COBLL1: variants seen among roughly 807,000 people sequenced by gnomAD.
The protein encoded by COBLL1 is cordon-bleu WH2 repeat protein like 1.
A neutral mutation model predicts 94.8 loss-of-function variants in COBLL1; 50 were observed. The ratio of observed to expected loss-of-function variants is 0.53; its 90% CI spans 0.42 to 0.67. The LOEUF (loss-of-function observed/expected upper bound fraction) is 0.67, where lower values mean the gene tolerates loss of function less well. Ranked by LOEUF, COBLL1 falls within the 30% of genes least tolerant of loss-of-function variation. The pLI is 0.00. For synonymous variants in COBLL1, 448 were observed against 473.8 expected, an observed-to-expected ratio of 0.95 and a Z score of 0.71; for missense variants, 1,362 against 1,348.7, an observed-to-expected ratio of 1.01 and a Z score of -0.15.
At chr2:164,735,650 G>C (rs1374385381) in intron 3 of COBLL1, among the ~76,000 whole-genome samples, 2 of 152,098 alleles carry the variant, frequency 1.3e-5, no homozygotes, top group African/African-American at 4.8e-5. Context: ...TAGTCACAAA[G>C]TGCACCCACA....
Position 164,841,252 on chromosome 2 carries a change from G to A in COBLL1, c.-50-6C>T, listed in dbSNP as rs1388941490. 1 of 1,225,624 alleles carries A rather than the reference G, an allele frequency of 8.2e-7. No individual in the cohort carries two copies. Among genetic ancestry groups the A allele is most frequent in the Non-Finnish European group, 1.0e-6 (1 of 984,216 alleles). The allele number at this position is 1,225,624 out of a possible 1,614,324, so 75.9% of individuals were successfully genotyped here. A position where few individuals can be genotyped will look rare whatever the true frequency, so the allele number is the denominator to read the frequency against. On this transcript the variant is annotated splice_polypyrimidine_tract_variant and splice_region_variant and intron_variant, in intron 1 of 13. Transcript: ENST00000652658. This position sits in a 1 kb window ranked among gnomAD's most constrained non-coding sequence, Gnocchi z 5.5. ...TCCCAGGCGGCGCGTCACTGCTGGG[G>A]TGGGAGAGGCCGGCGGGTCAGGGCG...
chr2:164,718,544 A>G (rs1685291871), intron 7 of COBLL1, among the ~76,000 whole-genome samples: 1 of 152,316 alleles, frequency 6.6e-6, no homozygotes, highest in South Asian at 2.1e-4. Flanking sequence ...GGAAAGACAC[A>G]CAAGAAACTG....
chr2:164,805,701 G>C (rs1408916122), intron 2 of COBLL1, among the ~76,000 whole-genome samples: 1 of 151,858 alleles, frequency 6.6e-6, no homozygotes, highest in Non-Finnish European at 1.5e-5. Flanking sequence ...CATTGTATGG[G>C]TATACCACAG....
At chr2:164,783,902 C>T (rs943295879) in intron 2 of COBLL1, among the ~76,000 whole-genome samples, 2 of 152,060 alleles carry the variant, frequency 1.3e-5, no homozygotes, top group Admixed American at 6.6e-5. Flanking sequence ...GGAGATCGAG[C>T]CTTCAGTAAG....
intron 2 of COBLL1, among the ~76,000 whole-genome samples, chr2:164,828,184 C>G (rs552834337): frequency 1.3e-5 from 2 of 152,306 alleles, no homozygotes; most frequent in East Asian, 3.9e-4. Context: ...GTCTCCATCT[C>G]CAACACTGAC....
At chr2:164,746,030 C>T (rs1686844191) in intron 2 of COBLL1, among the ~76,000 whole-genome samples, 1 of 152,138 alleles carries the variant, frequency 6.6e-6, no homozygotes, top group African/African-American at 2.4e-5. Context: ...GTAATAGCAA[C>T]AAAAATGAAT....
At chr2:164,795,527 G>T (rs544134308) in intron 2 of COBLL1, among the ~76,000 whole-genome samples, 3 of 151,950 alleles carry the variant, frequency 2.0e-5, no homozygotes, top group Non-Finnish European at 4.4e-5. Context: ...ATTGACCAAT[G>T]ACCCGCTCCC....
chr2:164,696,552 T>C (rs1174377759), intron 11 of COBLL1: 2 of 152,136 alleles, frequency 1.3e-5, no homozygotes, highest in African/African-American at 4.8e-5. Flanking sequence ...CTGTTGGAAA[T>C]AGGCATCCTT....
rs960016078 is a variant in COBLL1, at chr2:164,729,844, T to C, written c.432+70A>G. The C allele has an allele frequency of 5.4e-5, 74 of 1,358,832 alleles. 1 individual carries two copies. The highest frequency in any genetic ancestry group is 7.3e-5 in the Non-Finnish European group (70 of 960,586). The allele number at this position is 1,358,832 out of a possible 1,614,324, so 84.2% of individuals were successfully genotyped here. On this transcript the variant is annotated intron_variant, in intron 4 of 13. Transcript: ENST00000652658. ...TCAAATTTAACCAGTAAAGTCCATTTTTATTTCACTTACAATGAGCTGCTG... is the reference window on the plus strand; with the variant it reads ...TCAAATTTAACCAGTAAAGTCCATTCTTATTTCACTTACAATGAGCTGCTG...
At chr2:164,818,575 T>C (rs1212328796) in intron 2 of COBLL1, among the ~76,000 whole-genome samples, 1 of 148,418 alleles carries the variant, frequency 6.7e-6, no homozygotes, top group Non-Finnish European at 1.5e-5. Flanking sequence ...ATATAGCATA[T>C]ATGTACATAT....
chr2:164,726,859 C>T (rs56818484), intron 5 of COBLL1, among the ~76,000 whole-genome samples: 1,642 of 152,058 alleles, frequency 0.011, 29 homozygotes, highest in African/African-American at 0.038. Flanking sequence ...GTAAAGAATA[C>T]GTTTTCCCAC....
chr2:164,720,133 T>G (rs1417425465), intron 7 of COBLL1, among the ~76,000 whole-genome samples: 1 of 152,160 alleles, frequency 6.6e-6, no homozygotes, highest in Admixed American at 6.6e-5. Flanking sequence ...AAATAAAAAA[T>G]GGTTCTTCAG....
chr2:164,741,005 G>C (rs1297167582), intron 3 of COBLL1, among the ~76,000 whole-genome samples: 1 of 152,200 alleles, frequency 6.6e-6, no homozygotes, highest in African/African-American at 2.4e-5. Flanking sequence ...GCCAGGCACA[G>C]TGGCTCATGT....
At chr2:164,755,312 T>C (rs1450475506) in intron 2 of COBLL1, among the ~76,000 whole-genome samples, 6 of 152,170 alleles carry the variant, frequency 3.9e-5, no homozygotes, top group Admixed American at 3.9e-4. Context: ...TTGTGCATAG[T>C]TTCCAAAGTA....
intron 2 of COBLL1, among the ~76,000 whole-genome samples, chr2:164,828,393 G>T (rs1685534450): frequency 6.6e-6 from 1 of 152,140 alleles, no homozygotes; most frequent in Non-Finnish European, 1.5e-5. Context: ...ATAGCAAAGG[G>T]TGAGTGAGGG....
chr2:164,792,896 C>T (rs1574598368), intron 2 of COBLL1, among the ~76,000 whole-genome samples: 1 of 152,078 alleles, frequency 6.6e-6, no homozygotes, highest in East Asian at 1.9e-4. Flanking sequence ...TTCCTAGGCC[C>T]ATAATATCCT....
intron 2 of COBLL1, among the ~76,000 whole-genome samples, chr2:164,744,744 C>T (rs1686781410): frequency 6.6e-6 from 1 of 152,122 alleles, no homozygotes; most frequent in Admixed American, 6.6e-5. Flanking sequence ...TAGCAATGAA[C>T]TATGATGGGT....
intron 2 of COBLL1, among the ~76,000 whole-genome samples, chr2:164,753,514 T>C (rs1180161082): frequency 1.3e-5 from 2 of 152,238 alleles, no homozygotes; most frequent in Non-Finnish European, 2.9e-5. Flanking sequence ...TTCCAAGTAC[T>C]CTTTCAAGTA....
chr2:164,751,407 G>A (rs1687118616), intron 2 of COBLL1, among the ~76,000 whole-genome samples: 1 of 152,034 alleles, frequency 6.6e-6, no homozygotes. Flanking sequence ...AGTTGAGGAA[G>A]GAAGGGAGGG....
Sources: gnomAD v4.1 joint callset for allele counts (sites outside exome capture counted in the v4.1 genomes callset) on GRCh38, gnomAD v4.1.1 for gene constraint, Gnocchi (gnomAD v3.1) non-coding constraint, MANE v1.5 for transcripts, NCBI Gene and HGNC (gene_info 2026-07-23, HGNC 2026-07-21) for gene names.